The following OTUD7A variants were observed in gnomAD, a reference collection of about 807,000 sequenced individuals.
OTUD7A encodes OTU deubiquitinase 7A, also known as OTU domain-containing protein 7A.
A neutral mutation model predicts 65.7 loss-of-function variants in OTUD7A; 12 were observed. The observed-to-expected ratio is 0.18, with a 90% CI of 0.12 to 0.30. The LOEUF (loss-of-function observed/expected upper bound fraction) is 0.30, where lower values mean the gene tolerates loss of function less well. Among genes scored for constraint, OTUD7A ranks in the 10% least tolerant of loss-of-function variants. The probability of loss-of-function intolerance (pLI) is 1.00; values close to 1 mark genes in which losing one functional copy is unlikely to be tolerated. For missense variants in OTUD7A, 1,148 were observed against 1,304.8 expected, an observed-to-expected ratio of 0.88 and a Z score of 1.85; for synonymous variants, 641 against 586.3, an observed-to-expected ratio of 1.09 and a Z score of -1.35.
chr15:31,586,514 C>A (rs1236313815), intron 3 of OTUD7A, among the ~76,000 whole-genome samples: 1 of 152,182 alleles, frequency 6.6e-6, no homozygotes, highest in Non-Finnish European at 1.5e-5. Context: ...CACAGCCCTG[C>A]TGTGAGCTTG....
intron 1 of OTUD7A, among the ~76,000 whole-genome samples, chr15:31,760,011 T>C (rs1229713313): frequency 6.6e-6 from 1 of 152,256 alleles, no homozygotes; most frequent in Non-Finnish European, 1.5e-5. Flanking sequence ...TTTATTTTCA[T>C]GGAAATTTCA....
At chr15:31,558,940 G>A (rs1434315773) in intron 5 of OTUD7A, 29 bp downstream of exon 5, 1 of 1,608,774 alleles carries the variant, frequency 6.2e-7, no homozygotes. Context: ...AGCCTAAAGA[G>A]GGTGGGCCTG....
At chr15:31,528,501 C>A (rs2042045005) in intron 6 of OTUD7A, among the ~76,000 whole-genome samples, 1 of 152,256 alleles carries the variant, frequency 6.6e-6, no homozygotes, top group Non-Finnish European at 1.5e-5. Context: ...ACTGGCTGGG[C>A]ATCTTTGGAT....
At chr15:31,772,314 C>T (rs548039038) in intron 1 of OTUD7A, among the ~76,000 whole-genome samples, 2 of 152,116 alleles carry the variant, frequency 1.3e-5, no homozygotes, top group South Asian at 2.1e-4. Context: ...CTGTTTATAT[C>T]CCTCTGATAG....
intron 1 of OTUD7A, among the ~76,000 whole-genome samples, chr15:31,738,374 G>A (rs1894249447): frequency 6.6e-6 from 1 of 152,130 alleles, no homozygotes; most frequent in Non-Finnish European, 1.5e-5. Flanking sequence ...ATGGAGACCT[G>A]AGCATGCAAT....
chr15:31,756,627 AACACACACACACACAC>A (rs56792926), intron 1 of OTUD7A, among the ~76,000 whole-genome samples: 5,033 of 138,436 alleles, frequency 0.036, 120 homozygotes, highest in African/African-American at 0.037. Flanking sequence ...CAGTGTACCC[AACACACACACACACAC>A]ACACACACAC....
At chr15:31,863,596 A>G (rs1252708581) in intron 1 of OTUD7A, among the ~76,000 whole-genome samples, 1 of 152,170 alleles carries the variant, frequency 6.6e-6, no homozygotes, top group Non-Finnish European at 1.5e-5. Context: ...CCACGGGTGG[A>G]ATGGCTGAGA....
chr15:31,574,151 T>C (rs1284202060), intron 3 of OTUD7A, among the ~76,000 whole-genome samples: 1 of 152,170 alleles, frequency 6.6e-6, no homozygotes, highest in African/African-American at 2.4e-5. Flanking sequence ...GGCAAACTTA[T>C]ATAACCACTA....
intron 3 of OTUD7A, among the ~76,000 whole-genome samples, chr15:31,577,793 A>G (rs1459440305): frequency 2.0e-5 from 3 of 150,454 alleles, no homozygotes; most frequent in Non-Finnish European, 2.9e-5. Context: ...TTATTCCTCT[A>G]ACTTATACAT....
intron 1 of OTUD7A, among the ~76,000 whole-genome samples, chr15:31,759,733 G>A (rs1308664134): frequency 1.3e-5 from 2 of 152,040 alleles, no homozygotes; most frequent in Admixed American, 1.3e-4. Flanking sequence ...TTGCCATGTT[G>A]GCCAGGCTGG....
intron 3 of OTUD7A, among the ~76,000 whole-genome samples, chr15:31,576,326 T>C (rs1889202695): frequency 6.6e-6 from 1 of 152,204 alleles, no homozygotes; most frequent in South Asian, 2.1e-4. Context: ...AATGCATATC[T>C]GGTTGCTTCC....
intron 3 of OTUD7A, among the ~76,000 whole-genome samples, chr15:31,640,129 G>T (rs185556010): frequency 6.6e-6 from 1 of 152,066 alleles, no homozygotes; most frequent in Non-Finnish European, 1.5e-5. Context: ...GCATTTGAGC[G>T]ACCTGGATGA....
chr15:31,724,701 G>GGAGTGCT (rs1893835372), intron 1 of OTUD7A, among the ~76,000 whole-genome samples: 1 of 152,174 alleles, frequency 6.6e-6, no homozygotes, highest in Non-Finnish European at 1.5e-5. Flanking sequence ...TACAAGGGCA[G>GGAGTGCT]GAGTGCTGGG....
At chr15:31,565,784 T>G (rs535366039) in intron 4 of OTUD7A, among the ~76,000 whole-genome samples, 1 of 152,150 alleles carries the variant, frequency 6.6e-6, no homozygotes, top group Non-Finnish European at 1.5e-5. Context: ...AGTGGGAAAA[T>G]GTACTTGAAT....
At chr15:31,786,759 G>A (rs1173106318) in intron 1 of OTUD7A, among the ~76,000 whole-genome samples, 1 of 152,120 alleles carries the variant, frequency 6.6e-6, no homozygotes, top group East Asian at 1.9e-4. Flanking sequence ...GTGTAAGCAG[G>A]TCTCCCCCTC....
rs186565435 is a variant in OTUD7A, at chr15:31,807,720, G to T, written c.-100+62787C>A. On this transcript the variant is annotated intron_variant, in intron 1 of 12. Coordinates refer to ENST00000307050, the MANE Select transcript of OTUD7A (RefSeq NM_001382637.1). ...GAGCCCCCTGGAGCTGGTCTTCCAGGAATTAGTATGCTATATTTGATTAAG... is the reference window on the plus strand; with the variant it reads ...GAGCCCCCTGGAGCTGGTCTTCCAGTAATTAGTATGCTATATTTGATTAAG... Among the ~76,000 whole-genome samples the T allele has an allele frequency of 3.9e-5, 6 of 152,156 alleles. No homozygotes were observed. The East Asian group carries it at 1.2e-3, about 29-fold the overall frequency.
chr15:31,771,129 A>G (rs982803967), intron 1 of OTUD7A, among the ~76,000 whole-genome samples: 1 of 152,244 alleles, frequency 6.6e-6, no homozygotes, highest in Non-Finnish European at 1.5e-5. Flanking sequence ...CTCACAGATG[A>G]GTTTTTTAGA....
chr15:31,699,605 C>T (rs1893166888), intron 1 of OTUD7A, among the ~76,000 whole-genome samples: 1 of 152,118 alleles, frequency 6.6e-6, no homozygotes, highest in Non-Finnish European at 1.5e-5. Context: ...GGTGTTCCTT[C>T]CTTGCATGGG....
At chr15:31,697,530 G>C (rs1033174933) in intron 1 of OTUD7A, among the ~76,000 whole-genome samples, 1 of 146,764 alleles carries the variant, frequency 6.8e-6, no homozygotes, top group African/African-American at 2.5e-5. Context: ...GGCCACAGAA[G>C]ACAAGGGTTT....
Sources: allele counts gnomAD v4.1 joint callset (sites outside exome capture counted in the v4.1 genomes callset), GRCh38; gene constraint gnomAD v4.1.1; transcripts MANE v1.5; gene names NCBI Gene and HGNC (gene_info 2026-07-23, HGNC 2026-07-21).